DAPP1: variants seen among roughly 807,000 people sequenced by gnomAD.
DAPP1 encodes dual adaptor of phosphotyrosine and 3-phosphoinositides 1.
In DAPP1, 20 loss-of-function variants were observed where a neutral mutation model predicts 41.5. That is an observed-to-expected ratio of 0.48 (90% CI 0.34 to 0.70). The LOEUF is 0.70. Ranked by LOEUF, DAPP1 falls within the 30% of genes least tolerant of loss-of-function variation. The pLI is 0.01. For synonymous variants in DAPP1, 113 were observed against 116.2 expected (o/e 0.97, Z 0.18); for missense variants, 233 against 333.4 (o/e 0.70, Z 2.35).
chr4:99,854,759 C>T (rs749139834), intron 4 of DAPP1, among the ~76,000 whole-genome samples: 2 of 152,202 alleles, frequency 1.3e-5, no homozygotes, highest in Non-Finnish European at 2.9e-5. Context: ...TCCAGGAAGC[C>T]TTTCTTCACC....
intron 5 of DAPP1, 97 bp from the exon 6 acceptor site, chr4:99,862,912 CT>C: frequency 2.2e-6 from 2 of 912,838 alleles, no homozygotes; most frequent in Non-Finnish European, 3.2e-6. Flanking sequence ...TTTTTAGATA[CT>C]TTTAAAATGA....
At chr4:99,842,852 CTTTTTTTTTT>C in intron 3 of DAPP1, among the ~76,000 whole-genome samples, 1 of 137,648 alleles carries the variant, frequency 7.3e-6, no homozygotes, top group South Asian at 2.3e-4. Flanking sequence ...ATATTTCTTT[CTTTTTTTTTT>C]TTTTTTTGAG....
rs1491063934 is a variant in DAPP1, at chr4:99,827,557, AAC to A, written c.102-8064_102-8063del. Among the ~76,000 whole-genome samples, 112 of 150,180 alleles carry A rather than the reference AAC, an allele frequency of 7.5e-4. 3 individuals carry two copies. Among genetic ancestry groups the A allele is most frequent in the Middle Eastern group, 3.5e-3 (1 of 286 alleles). On this transcript the variant is annotated intron_variant, in intron 1 of 8. Coordinates refer to ENST00000512369, the MANE Select transcript of DAPP1 (RefSeq NM_014395.3). ...CAAAAAAAAAACAACAAAAAAACAAAACAAAAAACACCATCACACTTATAAGT... is the reference window on the plus strand; with the variant it reads ...CAAAAAAAAAACAACAAAAAAACAAAAAAAAACACCATCACACTTATAAGT...
At chr4:99,821,944 G>A (rs1722787565) in intron 1 of DAPP1, among the ~76,000 whole-genome samples, 1 of 152,176 alleles carries the variant, frequency 6.6e-6, no homozygotes, top group Non-Finnish European at 1.5e-5. Flanking sequence ...AATTTATTCA[G>A]CTAAGAAACG....
intron 1 of DAPP1, among the ~76,000 whole-genome samples, chr4:99,835,026 T>G (rs1213443824): frequency 7.6e-6 from 1 of 131,612 alleles, no homozygotes; most frequent in Non-Finnish European, 1.7e-5. Context: ...TTTTTTTTTT[T>G]GAGATGGAAT....
intron 1 of DAPP1, among the ~76,000 whole-genome samples, chr4:99,831,785 C>A (rs1039549839): frequency 6.6e-6 from 1 of 152,128 alleles, no homozygotes; most frequent in Admixed American, 6.6e-5. Flanking sequence ...TCATTATAAC[C>A]GATCTGGTGG....
intron 3 of DAPP1, among the ~76,000 whole-genome samples, chr4:99,841,664 A>C (rs765004804): frequency 5.9e-5 from 9 of 151,830 alleles, no homozygotes; most frequent in Non-Finnish European, 8.8e-5. Context: ...CCAATTCCAC[A>C]CTTGATTTTG....
chr4:99,859,865 C>T (rs1724177479), intron 4 of DAPP1, among the ~76,000 whole-genome samples: 1 of 152,170 alleles, frequency 6.6e-6, no homozygotes, highest in African/African-American at 2.4e-5. Context: ...GCTGCTGCTG[C>T]CACTGTCACT....
At chr4:99,862,858 C>T (rs554538403) in intron 5 of DAPP1, among the ~76,000 whole-genome samples, 152 bp from the exon 6 acceptor site, 1 of 151,790 alleles carries the variant, frequency 6.6e-6, no homozygotes, top group Non-Finnish European at 1.5e-5. Context: ...ACTTTTTTCT[C>T]AGAAATGACA....
intron 2 of DAPP1, among the ~76,000 whole-genome samples, chr4:99,836,130 G>A (rs1723290962): frequency 6.6e-6 from 1 of 152,188 alleles, no homozygotes; most frequent in South Asian, 2.1e-4. Context: ...AATGCAGAAT[G>A]ATTTATGACT....
chr4:99,837,860 C>T (rs984853653), intron 2 of DAPP1, among the ~76,000 whole-genome samples: 6 of 152,050 alleles, frequency 3.9e-5, no homozygotes, highest in African/African-American at 1.5e-4. Flanking sequence ...ATGGTCCCAT[C>T]TGGGGGTGAT....
chr4:99,818,521 C>T (rs1369775001), intron 1 of DAPP1, among the ~76,000 whole-genome samples: 1 of 152,132 alleles, frequency 6.6e-6, no homozygotes, highest in Non-Finnish European at 1.5e-5. Flanking sequence ...ACTGTGGGAA[C>T]ACACTTAGAT....
At chr4:99,821,209 T>C (rs186088958) in intron 1 of DAPP1, among the ~76,000 whole-genome samples, 7 of 152,346 alleles carry the variant, frequency 4.6e-5, no homozygotes, top group African/African-American at 1.7e-4. Context: ...CCACCTACTA[T>C]GCATCAGCAC....
intron 1 of DAPP1, among the ~76,000 whole-genome samples, chr4:99,826,191 A>G (rs1266172623): frequency 6.6e-6 from 1 of 152,260 alleles, no homozygotes; most frequent in African/African-American, 2.4e-5. Context: ...AGACACATCA[A>G]TTAGCTGTGC....
intron 8 of DAPP1, chr4:99,866,764 C>CTTTT: frequency 2.4e-6 from 1 of 416,030 alleles, no homozygotes; most frequent in African/African-American, 2.4e-5. Context: ...TTCTTTTTTT[C>CTTTT]TATTTTTTTT....
chr4:99,866,422 G>C, intron 8 of DAPP1: 1 of 686,432 alleles, frequency 1.5e-6, no homozygotes, highest in East Asian at 2.7e-5. Context: ...TCTGGAGGGG[G>C]ACATTTAGAA....
At chr4:99,866,587 G>C (rs201551151) in intron 8 of DAPP1, 28 of 766,104 alleles carry the variant, frequency 3.7e-5, no homozygotes, top group Non-Finnish European at 6.2e-5. Context: ...TATTTTGTCT[G>C]CTCTCTGTAT....
rs368622533 is a variant in DAPP1, at chr4:99,866,005, A to G, written c.687-29A>G. ...ATATATATAGCTAATGATCTGCAAT[A>G]TCTTATGTTCTTTCTTTTGTCCTAT... On this transcript the variant is annotated intron_variant, in intron 7 of 8. Transcript: ENST00000512369. 2.5e-5 allele frequency: 19 copies of G among 745,968 alleles called. No individual in the cohort carries two copies. The African/African-American group carries it at 2.9e-4, about 12-fold the overall frequency. 46.2% of individuals were successfully genotyped at this position (745,968 alleles called of 1,614,324 possible). A position where few individuals can be genotyped will look rare whatever the true frequency, so the allele number is the denominator to read the frequency against.
At chr4:99,860,894 T>C (rs1724214434) in intron 4 of DAPP1, among the ~76,000 whole-genome samples, 1 of 152,254 alleles carries the variant, frequency 6.6e-6, no homozygotes. Context: ...CACCCTTATA[T>C]TTCGTAGGTG....
Sources: gnomAD v4.1 joint callset for allele counts (sites outside exome capture counted in the v4.1 genomes callset) on GRCh38, gnomAD v4.1.1 for gene constraint, MANE v1.5 for transcripts, NCBI Gene and HGNC (gene_info 2026-07-23, HGNC 2026-07-21) for gene names.